Variants in KCNN2 observed in about 807,000 individuals in gnomAD.
KCNN2 encodes the protein potassium calcium-activated channel subfamily N member 2.
A neutral mutation model predicts 55.5 loss-of-function variants in KCNN2; 24 were observed. That is an observed-to-expected ratio of 0.43 (90% CI 0.31 to 0.61). KCNN2 has a LOEUF of 0.61. Among genes scored for constraint, KCNN2 ranks in the 20% least tolerant of loss-of-function variants. The pLI is 0.08. For synonymous variants in KCNN2, 431 were observed against 336.1 expected, an observed-to-expected ratio of 1.28 and a Z score of -3.09; for missense variants, 754 against 853.6, an observed-to-expected ratio of 0.88 and a Z score of 1.45.
At chr5:114,174,741 T>C (rs144752732) in intron 1 of KCNN2, among the ~76,000 whole-genome samples, 2,724 of 152,276 alleles carry the variant, frequency 0.018, 78 homozygotes, top group African/African-American at 0.061. Flanking sequence ...TCCTGATTAA[T>C]TCCAAAAGGC....
chr5:114,415,017 ACTAT>A (rs1394349042), intron 3 of KCNN2, among the ~76,000 whole-genome samples: 2 of 152,142 alleles, frequency 1.3e-5, no homozygotes, highest in Non-Finnish European at 2.9e-5. Flanking sequence ...CCACTAATAT[ACTAT>A]CTGTCTCCAT....
chr5:114,303,344 A>T (rs1580707998), intron 2 of KCNN2, among the ~76,000 whole-genome samples: 1 of 152,178 alleles, frequency 6.6e-6, no homozygotes, highest in Non-Finnish European at 1.5e-5. Context: ...GTTGCCCAAG[A>T]TCTCAGTTAC....
intron 1 of KCNN2, among the ~76,000 whole-genome samples, chr5:114,191,593 G>T (rs1157795079): frequency 2.6e-5 from 4 of 152,160 alleles, no homozygotes; most frequent in Non-Finnish European, 4.4e-5. Flanking sequence ...GGCTATGGAT[G>T]ATCTGTGTTT....
chr5:114,299,285 C>T (rs908465969), intron 2 of KCNN2, among the ~76,000 whole-genome samples: 2 of 152,064 alleles, frequency 1.3e-5, no homozygotes, highest in Admixed American at 6.6e-5. Context: ...AACTTAGGTC[C>T]GATGGTCATT....
chr5:114,223,053 T>C (rs1422775896), intron 2 of KCNN2, among the ~76,000 whole-genome samples: 1 of 146,842 alleles, frequency 6.8e-6, no homozygotes, highest in African/African-American at 2.5e-5. Context: ...ATTGATTTTC[T>C]ACAAGACAAA....
chr5:114,159,671 T>G (rs1042491705), intron 1 of KCNN2, among the ~76,000 whole-genome samples: 1 of 152,084 alleles, frequency 6.6e-6, no homozygotes, highest in African/African-American at 2.4e-5. Context: ...ATTATTGCCT[T>G]AATTTCAGAG....
intron 1 of KCNN2, among the ~76,000 whole-genome samples, chr5:114,217,909 A>G (rs1754039228): frequency 1.3e-5 from 2 of 152,214 alleles, no homozygotes; most frequent in South Asian, 4.1e-4. Flanking sequence ...CAATAAGAAA[A>G]TGACCAAATT....
At chr5:114,487,462 AT>A (rs1271470029) in intron 6 of KCNN2, among the ~76,000 whole-genome samples, 1 of 152,112 alleles carries the variant, frequency 6.6e-6, no homozygotes, top group Non-Finnish European at 1.5e-5. Flanking sequence ...AATTTGACCT[AT>A]TTATTCAGAT....
intron 2 of KCNN2, among the ~76,000 whole-genome samples, chr5:114,313,181 A>G (rs908516697): frequency 6.6e-6 from 1 of 152,076 alleles, no homozygotes; most frequent in African/African-American, 2.4e-5. Flanking sequence ...TCCTGTTTCC[A>G]TCTGCTGGAA....
At chr5:114,398,157 T>C (rs1182150615) in intron 2 of KCNN2, among the ~76,000 whole-genome samples, 1 of 152,204 alleles carries the variant, frequency 6.6e-6, no homozygotes, top group Non-Finnish European at 1.5e-5. Flanking sequence ...TTTTTATTGT[T>C]TGGGGTTTTA....
rs1226064129 is a variant in KCNN2 at position 114,472,707 on chromosome 5, T to C, written c.1780-347T>C. ...CCCATATACATTTATGCTAATCTAC[T>C]CATTTGTTATTTGTTCCTATTATAA... On this transcript the variant is annotated intron_variant, in intron 4 of 7. Coordinates refer to ENST00000673685, the MANE Select transcript of KCNN2 (RefSeq NM_021614.4). Among the ~76,000 whole-genome samples, 3 of 152,240 alleles carry C rather than the reference T, an allele frequency of 2.0e-5. No individual in the cohort carries two copies. In the East Asian group the frequency reaches 5.8e-4, roughly 29 times the overall value.
chr5:114,360,651 TAGA>T (rs538795794), upstream of KCNN2, among the ~76,000 whole-genome samples: 34 of 152,322 alleles, frequency 2.2e-4, no homozygotes, highest in South Asian at 4.1e-4. Flanking sequence ...GTACATCTCT[TAGA>T]AGAAGACAGC....
chr5:114,355,765 C>T (rs1757284166), intron 2 of KCNN2, among the ~76,000 whole-genome samples: 5 of 152,128 alleles, frequency 3.3e-5, no homozygotes, highest in Admixed American at 3.3e-4. Context: ...TTTGAAAAAA[C>T]TAAATAGCAT....
intron 2 of KCNN2, among the ~76,000 whole-genome samples, chr5:114,263,550 C>T (rs1041531621): frequency 6.6e-6 from 1 of 151,916 alleles, no homozygotes; most frequent in Non-Finnish European, 1.5e-5. Flanking sequence ...TGAGTTCTTC[C>T]CTTCACCCGT....
At chr5:114,450,049 T>G (rs1460799579) in intron 3 of KCNN2, among the ~76,000 whole-genome samples, 4 of 152,090 alleles carry the variant, frequency 2.6e-5, no homozygotes. Context: ...AGAGCAGCTG[T>G]GGGGATAAAC....
rs1044028858 is a variant in KCNN2, at chr5:114,067,644, T to A, written c.-271+11144T>A. Among the ~76,000 whole-genome samples the A allele has an allele frequency of 3.9e-5, 6 of 152,318 alleles. No individual in the cohort carries two copies. In the East Asian group the frequency reaches 7.7e-4, roughly 20 times the overall value. ...ATAAATATAGAAAATTTGGAAGGAA[T>A]GGAAATATGTGAGGGATTAGGCAAA... On this transcript the variant is annotated intron_variant, in intron 1 of 10. Transcript: ENST00000512097.
chr5:114,163,013 A>G (rs1472183165), intron 1 of KCNN2, among the ~76,000 whole-genome samples: 1 of 152,052 alleles, frequency 6.6e-6, no homozygotes, highest in Non-Finnish European at 1.5e-5. Flanking sequence ...ACTGTTCTGC[A>G]CCCACTGTCT....
intron 1 of KCNN2, among the ~76,000 whole-genome samples, chr5:114,063,881 C>G (rs759884286): frequency 9.2e-5 from 14 of 152,224 alleles, no homozygotes; most frequent in Admixed American, 3.9e-4. Flanking sequence ...AACTTTTAAA[C>G]TCCTGGTGTG....
chr5:114,067,159 G>A (rs892815980), intron 1 of KCNN2, among the ~76,000 whole-genome samples: 1 of 152,202 alleles, frequency 6.6e-6, no homozygotes, highest in African/African-American at 2.4e-5. Context: ...AGTAGGATCT[G>A]CCACAGGGAC....
Sources: allele counts gnomAD v4.1 joint callset (sites outside exome capture counted in the v4.1 genomes callset), GRCh38; gene constraint gnomAD v4.1.1; transcripts MANE v1.5; gene names NCBI Gene and HGNC (gene_info 2026-07-23, HGNC 2026-07-21).